Variants in ZNF536 observed in about 807,000 individuals in gnomAD.
The protein encoded by ZNF536 is zinc finger protein 536.
A neutral mutation model predicts 84.5 loss-of-function variants in ZNF536; 13 were observed. That is an observed-to-expected ratio of 0.15 (90% confidence interval 0.10 to 0.24). The LOEUF (loss-of-function observed/expected upper bound fraction) is 0.24, where lower values mean the gene tolerates loss of function less well. ZNF536 is among the 10% of genes least tolerant of loss of function. The pLI is 1.00. For synonymous variants in ZNF536, 811 were observed against 742.5 expected, an observed-to-expected ratio of 1.09 and a Z score of -1.50; for missense variants, 1,536 against 1,747.5, an observed-to-expected ratio of 0.88 and a Z score of 2.16.
chr19:30,569,414 T>TGATGGTACAAGAG (rs1183043687), intron 1 of ZNF536, among the ~76,000 whole-genome samples: 4 of 151,918 alleles, frequency 2.6e-5, no homozygotes, highest in Non-Finnish European at 5.9e-5. Flanking sequence ...CACACCTTCT[T>TGATGGTACAAGAG]GATGGTACAA....
intron 1 of ZNF536, among the ~76,000 whole-genome samples, chr19:30,396,388 T>C (rs1305681014): frequency 6.6e-6 from 1 of 152,220 alleles, no homozygotes; most frequent in Admixed American, 6.5e-5. Flanking sequence ...AATTTGACTT[T>C]CTGGGAATTT....
chr19:30,686,788 A>C (rs1279378282), intron 1 of ZNF536, among the ~76,000 whole-genome samples: 28 of 136,442 alleles, frequency 2.1e-4, no homozygotes, highest in East Asian at 4.2e-4. Flanking sequence ...CCCTCCCCCC[A>C]CTCCCCCCAT....
intron 1 of ZNF536, among the ~76,000 whole-genome samples, chr19:30,636,814 C>T (rs1354275837): frequency 2.0e-5 from 3 of 152,102 alleles, no homozygotes; most frequent in African/African-American, 4.8e-5. Flanking sequence ...GGCCTGGGGA[C>T]GGGGGCAGGC....
At chr19:30,437,137 T>C (rs1180555772) in intron 1 of ZNF536, among the ~76,000 whole-genome samples, 1 of 152,228 alleles carries the variant, frequency 6.6e-6, no homozygotes, top group Non-Finnish European at 1.5e-5. Context: ...TATATTTTTT[T>C]GGACTATTCA....
chr19:30,522,068 C>T (rs2044341130), intron 2 of ZNF536, among the ~76,000 whole-genome samples: 1 of 151,412 alleles, frequency 6.6e-6, no homozygotes, highest in African/African-American at 2.4e-5. Context: ...CGCAGGGCAC[C>T]ACCCAGGGCT....
intron 1 of ZNF536, among the ~76,000 whole-genome samples, chr19:30,570,297 T>C (rs1036811310): frequency 2.0e-5 from 3 of 152,114 alleles, no homozygotes; most frequent in African/African-American, 4.8e-5. Flanking sequence ...TGAAAAACTT[T>C]GTAAGAAGCC....
At chr19:30,285,175 C>T (rs1211324889) in intron 2 of ZNF536, among the ~76,000 whole-genome samples, 1 of 152,196 alleles carries the variant, frequency 6.6e-6, no homozygotes, top group Non-Finnish European at 1.5e-5. Flanking sequence ...ACACCCTATT[C>T]CGATCTACCA....
chr19:30,500,385 C>T (rs2054900121), intron 2 of ZNF536, among the ~76,000 whole-genome samples: 1 of 152,136 alleles, frequency 6.6e-6, no homozygotes, highest in African/African-American at 2.4e-5. Context: ...ACTTCAGGCT[C>T]ACTCCTGGTT....
chr19:30,567,605 C>T (rs2046401071), intron 1 of ZNF536, among the ~76,000 whole-genome samples: 1 of 152,182 alleles, frequency 6.6e-6, no homozygotes, highest in African/African-American at 2.4e-5. Context: ...GCAATTGTTC[C>T]CTGAGGTCCA....
At chr19:30,425,518 C>T (rs910748244) in intron 1 of ZNF536, among the ~76,000 whole-genome samples, 3 of 152,170 alleles carry the variant, frequency 2.0e-5, no homozygotes, top group East Asian at 1.9e-4. Context: ...AAGCATCTGA[C>T]GTCTCTCCTC....
intron 2 of ZNF536, among the ~76,000 whole-genome samples, chr19:30,344,199 G>A (rs2047656051): frequency 1.3e-5 from 2 of 150,198 alleles, no homozygotes; most frequent in Non-Finnish European, 3.0e-5. Context: ...GCAACTTTGG[G>A]AGGGTGAGGC....
chr19:30,658,189 T>C (rs1452209325), intron 1 of ZNF536, among the ~76,000 whole-genome samples: 3 of 152,084 alleles, frequency 2.0e-5, no homozygotes, highest in Non-Finnish European at 1.5e-5. Flanking sequence ...GCCTGGCTAA[T>C]TTTTGTATTT....
chr19:30,388,880 T>C (rs1213608617), intron 1 of ZNF536, among the ~76,000 whole-genome samples: 2 of 152,174 alleles, frequency 1.3e-5, no homozygotes, highest in Non-Finnish European at 2.9e-5. Flanking sequence ...CTACATCTCA[T>C]TCAGACAGCT....
rs1238514645 is a variant in ZNF536, at chr19:30,604,254, G to T, written c.169+54740G>T. Reference sequence around the variant, plus strand: ...ACATTTCTGTGAATACACATGGATGGCTGCCAGTAATATGTTATTAAGCTT... The same window carrying T: ...ACATTTCTGTGAATACACATGGATGTCTGCCAGTAATATGTTATTAAGCTT... On this transcript the variant is annotated intron_variant, in intron 1 of 1. Transcript: ENST00000592773. Among the ~76,000 whole-genome samples, 5 of 152,060 alleles carry T rather than the reference G, an allele frequency of 3.3e-5. 1 individual carries two copies. The highest frequency in any genetic ancestry group is 1.2e-4 in the African/African-American group (5 of 41,364).
chr19:30,586,315 C>G (rs956938836), intron 1 of ZNF536, among the ~76,000 whole-genome samples: 1 of 152,236 alleles, frequency 6.6e-6, no homozygotes, highest in African/African-American at 2.4e-5. Context: ...GTGGAAATCC[C>G]ATAAATGGGT....
At chr19:30,310,763 A>G (rs2046474244) in intron 2 of ZNF536, among the ~76,000 whole-genome samples, 1 of 152,202 alleles carries the variant, frequency 6.6e-6, no homozygotes, top group East Asian at 1.9e-4. Context: ...TTCTCAGACC[A>G]TTGCTTCTGT....
At chr19:30,479,225 G>A (rs1304474096) in intron 2 of ZNF536, among the ~76,000 whole-genome samples, 1 of 152,180 alleles carries the variant, frequency 6.6e-6, no homozygotes, top group African/African-American at 2.4e-5. Flanking sequence ...GACCAGGCCA[G>A]TGGAAGCCTC....
At chr19:30,446,271 A>AAAAAG (rs1555767559) in intron 2 of ZNF536, among the ~76,000 whole-genome samples, 7 of 147,150 alleles carry the variant, frequency 4.8e-5, no homozygotes, top group Non-Finnish European at 7.5e-5. Context: ...AAAAAAAAAA[A>AAAAAG]AAAGAAAGAA....
At chr19:30,582,131 C>T (rs1308833151) in intron 1 of ZNF536, among the ~76,000 whole-genome samples, 1 of 152,072 alleles carries the variant, frequency 6.6e-6, no homozygotes, top group Non-Finnish European at 1.5e-5. Context: ...TCACTTTCAG[C>T]TCTGGAAGCT....
Sources: gnomAD v4.1 joint callset for allele counts (sites outside exome capture counted in the v4.1 genomes callset) on GRCh38, gnomAD v4.1.1 for gene constraint, MANE v1.5 for transcripts, NCBI Gene and HGNC (gene_info 2026-07-23, HGNC 2026-07-21) for gene names.